Variants in VANGL1 observed in about 807,000 individuals in gnomAD.
VANGL1 encodes VANGL planar cell polarity protein 1.
A neutral mutation model predicts 48.4 loss-of-function variants in VANGL1; 18 were observed. That is an observed-to-expected ratio of 0.37 (90% CI 0.26 to 0.55). The LOEUF (loss-of-function observed/expected upper bound fraction) is 0.55. Among genes scored for constraint, VANGL1 ranks in the 20% least tolerant of loss-of-function variants. The pLI, the probability that VANGL1 is intolerant of heterozygous loss-of-function variation, is 0.81. For missense variants in VANGL1, 667 were observed against 675.8 expected (o/e 0.99, Z 0.14); for synonymous variants, 257 against 261.8 (o/e 0.98, Z 0.18).
Position 115,682,448 on chromosome 1 carries a change from A to C in VANGL1, c.897A>C (p.Lys299Asn). 6.2e-7 allele frequency: 1 copy of C among 1,614,154 alleles called. No homozygotes were observed. Among genetic ancestry groups the C allele is most frequent in the Non-Finnish European group, 8.5e-7 (1 of 1,180,022 alleles). Residue 299 changes from lysine to asparagine, a missense_variant, in exon 5 of 8, where the codon AAA becomes AAC. By Grantham distance (94) the Lys-to-Asn change is moderately conservative. Coordinates refer to ENST00000355485, the MANE Select transcript of VANGL1 (RefSeq NM_138959.3). ...IYNPNLLTAS[K>N]FRAAKHMAGL... ...ACCCAAACCTCCTAACAGCCTCCAA[A>C]TTCCGAGCAGCCAAGCATATGGCCG...
chr1:115,694,185 CA>C lies in VANGL1; in HGVS notation c.*2810del, dbSNP rs1387000073. ...ATAGTTCATCCATCCTTTGCATTATCAAAATGTTAAGTCAAATCTGTAATAC... is the reference window on the plus strand; with the variant it reads ...ATAGTTCATCCATCCTTTGCATTATCAAATGTTAAGTCAAATCTGTAATAC... On this transcript the variant is annotated 3_prime_UTR_variant, in exon 8 of 8. Coordinates refer to ENST00000355485, the MANE Select transcript of VANGL1 (RefSeq NM_138959.3). 1 of 152,200 alleles carries C rather than the reference CA, an allele frequency of 6.6e-6. No individual in the cohort carries two copies. The highest frequency in any genetic ancestry group is 1.5e-5 in the Non-Finnish European group (1 of 68,048). The allele number at this position is 152,200 out of a possible 1,614,324, so 9.4% of individuals were successfully genotyped here.
intron 4 of VANGL1, among the ~76,000 whole-genome samples, chr1:115,667,715 C>T (rs1652843215): frequency 6.6e-6 from 1 of 152,212 alleles, no homozygotes; most frequent in African/African-American, 2.4e-5. Flanking sequence ...TTCTTGGCCC[C>T]GTTCTCACAA....
At position 115,674,187 on chromosome 1, in the gene VANGL1, C is replaced by T. The variant is rs1436440970; in HGVS notation, c.813-8177C>T. 2.0e-5 allele frequency among the ~76,000 whole-genome samples: 3 copies of T among 152,154 alleles called. No homozygotes were observed. The East Asian group carries it at 5.8e-4, about 29-fold the overall frequency. Reference sequence around the variant, plus strand: ...TACAGCCTGTTGTCCCTGGTGTGACCATCATTCATCTTGTAAGACTTAACA... The same window carrying T: ...TACAGCCTGTTGTCCCTGGTGTGACTATCATTCATCTTGTAAGACTTAACA... On this transcript the variant is annotated intron_variant, in intron 4 of 7. Coordinates refer to ENST00000355485, the MANE Select transcript of VANGL1 (RefSeq NM_138959.3).
chr1:115,687,958 A>AT (rs1278882464), intron 7 of VANGL1, among the ~76,000 whole-genome samples: 1 of 114,968 alleles, frequency 8.7e-6, no homozygotes, highest in Non-Finnish European at 1.8e-5. Flanking sequence ...AGATAGATAG[A>AT]TAGATAGATA....
intron 4 of VANGL1, among the ~76,000 whole-genome samples, chr1:115,666,596 C>T (rs1461103490): frequency 1.3e-5 from 2 of 152,160 alleles, no homozygotes; most frequent in Non-Finnish European, 2.9e-5. Flanking sequence ...AAGTCAGTCA[C>T]CCCAGCTCCC....
intron 2 of VANGL1, among the ~76,000 whole-genome samples, chr1:115,655,385 C>T (rs1427742181): frequency 6.6e-6 from 1 of 152,242 alleles, no homozygotes. Flanking sequence ...GGGCTTAGCT[C>T]TAGAACCACC....
Position 115,691,344 on chromosome 1 carries a change from T to A in VANGL1, c.1540T>A (p.Phe514Ile). The stretch of plus-strand genomic sequence containing the variant: ...GTTCATAGACCCCAAATCTCACAAA[T>A]TTGTCCTTCGCTTACAGTCTGAGAC... ...EEFIDPKSHK[F>I]VLRLQSETSV Residue 514 changes from phenylalanine (F) to isoleucine (I), a missense_variant, in exon 8 of 8, where the codon TTT (phenylalanine) becomes ATT (isoleucine). Transcript: ENST00000355485. 1 of 1,614,162 alleles carries A rather than the reference T, an allele frequency of 6.2e-7. No individual in the cohort carries two copies. Among genetic ancestry groups the A allele is most frequent in the Non-Finnish European group, 8.5e-7 (1 of 1,180,032 alleles).
At chr1:115,656,153 G>A (rs894128504) in intron 2 of VANGL1, among the ~76,000 whole-genome samples, 1 of 152,164 alleles carries the variant, frequency 6.6e-6, no homozygotes, top group East Asian at 1.9e-4. Context: ...GAAGGTTCTT[G>A]GCTCGGTATC....
At chr1:115,676,321 CAA>C (rs1653163067) in intron 4 of VANGL1, among the ~76,000 whole-genome samples, 1 of 152,080 alleles carries the variant, frequency 6.6e-6, no homozygotes, top group Non-Finnish European at 1.5e-5. Context: ...TGCATAAAAA[CAA>C]AGAGTAGCAT....
In VANGL1 at chr1:115,691,133, G is replaced by C. The variant is rs1653814951; in HGVS notation, c.1329G>C (p.Arg443=). The change falls in exon 8 of 8, where the codon CGG becomes CGC. Residue 443 remains arginine, a synonymous_variant. Transcript: ENST00000355485. ...NGMTPKAFLE[R]YLSAGPTLQY... ...TCTGCTTCCAGGCCTTCCTAGAACG[G>C]TACCTCAGTGCGGGCCCCACCCTGC... 1.2e-6 allele frequency: 2 copies of C among 1,614,118 alleles called. No homozygotes were observed. The highest frequency in any genetic ancestry group is 2.2e-5 in the East Asian group (1 of 44,858).
intron 4 of VANGL1, 107 bp from the exon 5 acceptor site, chr1:115,682,257 A>G: frequency 6.9e-7 from 1 of 1,455,158 alleles, no homozygotes; most frequent in Non-Finnish European, 9.4e-7. Context: ...GTATGAGATT[A>G]TCTTTGATGT....
At position 115,682,377 on chromosome 1, in the gene VANGL1, G is replaced by A. The variant is rs747013843; in HGVS notation, c.826G>A (p.Ala276Thr). The change falls in exon 5 of 8, where the codon GCA (alanine) becomes ACA (threonine). Residue 276 changes from alanine (A) to threonine (T), a missense_variant. By Grantham distance (58) the Ala-to-Thr change is moderately conservative. Coordinates refer to ENST00000355485, the MANE Select transcript of VANGL1 (RefSeq NM_138959.3). ...SLGHLSIQRAALVVLENYYKD... is the reference protein window; with the variant it reads ...SLGHLSIQRATLVVLENYYKD... ...TTTTTTTCTCAGTATCCAGCGAGCA[G>A]CATTGGTGGTCCTAGAAAATTACTA... 2 of 1,614,148 alleles carry A rather than the reference G, an allele frequency of 1.2e-6. No homozygotes were observed. The highest frequency in any genetic ancestry group is 1.7e-6 in the Non-Finnish European group (2 of 1,180,038).
chr1:115,645,325 C>CA (rs1425330718), intron 1 of VANGL1, among the ~76,000 whole-genome samples: 1 of 152,222 alleles, frequency 6.6e-6, no homozygotes, highest in African/African-American at 2.4e-5. Context: ...ATATGCCATA[C>CA]AACCCCTTCA....
intron 6 of VANGL1, among the ~76,000 whole-genome samples, 193 bp downstream of exon 6, chr1:115,684,269 G>A (rs1338443256): frequency 6.6e-6 from 1 of 151,838 alleles, no homozygotes; most frequent in Non-Finnish European, 1.5e-5. Context: ...CTCCCAAATA[G>A]CTGCGATCAC....
At chr1:115,681,460 A>G (rs2101026514) in intron 4 of VANGL1, among the ~76,000 whole-genome samples, 1 of 151,868 alleles carries the variant, frequency 6.6e-6, no homozygotes, top group South Asian at 2.1e-4. Context: ...AGGGGGACCC[A>G]GAAAGATCAA....
At position 115,697,539 on chromosome 1, in the gene VANGL1, G is replaced by T. The variant is rs1440729621; in HGVS notation, c.*6160G>T. 6.6e-6 allele frequency: 1 copy of T among 152,164 alleles called. No homozygotes were observed. The highest frequency in any genetic ancestry group is 1.5e-5 in the Non-Finnish European group (1 of 68,038). The allele number at this position is 152,164 out of a possible 1,614,324, so 9.4% of individuals were successfully genotyped here. A position where few individuals can be genotyped will look rare whatever the true frequency, so the allele number is the denominator to read the frequency against. On this transcript the variant is annotated 3_prime_UTR_variant, in exon 8 of 8. Transcript: ENST00000355485. ...CAGGATGCCAGCAAAGATGAGGGTG[G>T]GGGCAGATACTGGCTCAGTGATTTA...
chr1:115,644,440 A>G (rs1651840173), intron 1 of VANGL1, among the ~76,000 whole-genome samples: 1 of 152,254 alleles, frequency 6.6e-6, no homozygotes, highest in African/African-American at 2.4e-5. Context: ...TGATTTGGGC[A>G]TCATGCTATT....
chr1:115,663,381 G>A (rs982081017), intron 3 of VANGL1, among the ~76,000 whole-genome samples: 1 of 152,066 alleles, frequency 6.6e-6, no homozygotes, highest in Non-Finnish European at 1.5e-5. Context: ...TCAACCCAGG[G>A]GATGATAATC....
intron 2 of VANGL1, among the ~76,000 whole-genome samples, chr1:115,652,972 AG>A (rs1652208908): frequency 6.6e-6 from 1 of 152,216 alleles, no homozygotes; most frequent in Admixed American, 6.5e-5. Flanking sequence ...GTATAAGGAT[AG>A]GTTCTCAAAG....
Sources: gnomAD v4.1 joint callset for allele counts (sites outside exome capture counted in the v4.1 genomes callset) on GRCh38, gnomAD v4.1.1 for gene constraint, MANE v1.5 for transcripts, NCBI Gene and HGNC (gene_info 2026-07-23, HGNC 2026-07-21) for gene names.